CLHC1: variants seen among roughly 807,000 people sequenced by gnomAD.
CLHC1 encodes the protein clathrin heavy chain linker domain-containing protein 1.
A neutral mutation model predicts 69.5 loss-of-function variants in CLHC1; 72 were observed. That is an observed-to-expected ratio of 1.04 (90% CI 0.86 to 1.26). CLHC1 has a LOEUF of 1.26. CLHC1 is among the 50% of genes most tolerant of loss of function. CLHC1 has a pLI of 0.00. For missense variants in CLHC1, 790 were observed against 679.3 expected (o/e 1.16, Z -1.81); for synonymous variants, 223 against 224.3 (o/e 0.99, Z 0.05).
intron 1 of CLHC1, among the ~76,000 whole-genome samples, chr2:55,228,465 A>T (rs1674928670): frequency 6.6e-6 from 1 of 152,212 alleles, no homozygotes; most frequent in South Asian, 2.1e-4. Context: ...ACCAACCAAG[A>T]TTACCATTCA....
At chr2:55,176,124 T>TA (rs1669369238) in intron 12 of CLHC1, 138 bp from the exon 13 acceptor site, 1 of 705,004 alleles carries the variant, frequency 1.4e-6, no homozygotes, top group African/African-American at 1.8e-5. Context: ...AGATTAATGA[T>TA]ATAACATGCA....
intron 3 of CLHC1, among the ~76,000 whole-genome samples, chr2:55,221,886 A>C (rs1674158697): frequency 6.6e-6 from 1 of 152,210 alleles, no homozygotes; most frequent in Admixed American, 6.5e-5. Context: ...CTGAGGCAAG[A>C]GGATAACTTG....
rs149438011 is a variant in CLHC1 at position 55,221,341 on chromosome 2, A to C, written c.177+894T>G. 2.5e-3 allele frequency among the ~76,000 whole-genome samples: 383 copies of C among 152,336 alleles called. 2 individuals carry two copies. Among genetic ancestry groups the C allele is most frequent in the African/African-American group, 8.9e-3 (372 of 41,578 alleles). ...GCAAACTGCAATTGTTTAGAAGGAT[A>C]ATAGGTATTTCTAAAACCGTAAAAA... On this transcript the variant is annotated intron_variant, in intron 3 of 12. Transcript: ENST00000401408.
intron 11 of CLHC1, 62 bp downstream of exon 11, chr2:55,180,448 G>A (rs1573589074): frequency 1.7e-6 from 2 of 1,208,140 alleles, no homozygotes; most frequent in East Asian, 2.3e-5. Flanking sequence ...TGCTATTATG[G>A]GTAATCTTAC....
intron 8 of CLHC1, among the ~76,000 whole-genome samples, chr2:55,206,663 T>C (rs889740703): frequency 2.6e-5 from 4 of 152,074 alleles, no homozygotes; most frequent in African/African-American, 7.2e-5. Context: ...CAGCAAGCCA[T>C]AGAGGATGGA....
At chr2:55,227,580 A>C (rs1270827079) in intron 2 of CLHC1, among the ~76,000 whole-genome samples, 1 of 151,046 alleles carries the variant, frequency 6.6e-6, no homozygotes, top group African/African-American at 2.4e-5. Flanking sequence ...CAGGAGGCTG[A>C]GGCAGGAGAA....
At position 55,212,744 on chromosome 2, in the gene CLHC1, C is replaced by A; in HGVS notation, c.428G>T (p.Cys143Phe). The change falls in exon 5 of 13, where the codon TGT (cysteine) becomes TTT (phenylalanine). Residue 143 changes from cysteine to phenylalanine, a missense_variant. Physicochemically the swap from Cys to Phe is radical, Grantham distance 205. Coordinates refer to ENST00000401408, the MANE Select transcript of CLHC1 (RefSeq NM_152385.4). ...TTCTTTTGTGTCATACTCTGCCCTA[C>A]ACTGCTTGATGTGATCTATTTGAGA... ...IQSQIDHIKQCRAEYDTKEVK... is the reference protein window; with the variant it reads ...IQSQIDHIKQFRAEYDTKEVK... The A allele has an allele frequency of 6.3e-7, 1 of 1,597,062 alleles. No individual in the cohort carries two copies. Among genetic ancestry groups the A allele is most frequent in the Non-Finnish European group, 8.6e-7 (1 of 1,164,478 alleles).
At chr2:55,203,642 T>C (rs1672170412) in intron 9 of CLHC1, among the ~76,000 whole-genome samples, 1 of 152,112 alleles carries the variant, frequency 6.6e-6, no homozygotes, top group South Asian at 2.1e-4. Flanking sequence ...CTATCTCTTG[T>C]CATAGAAAAA....
chr2:55,188,845 T>G (rs1670661922), intron 9 of CLHC1, among the ~76,000 whole-genome samples: 1 of 152,202 alleles, frequency 6.6e-6, no homozygotes, highest in South Asian at 2.1e-4. Flanking sequence ...AGCAATAGTA[T>G]AATTCAGGAA....
chr2:55,183,774 G>A (rs1424865705), intron 9 of CLHC1, among the ~76,000 whole-genome samples: 1 of 151,996 alleles, frequency 6.6e-6, no homozygotes, highest in Non-Finnish European at 1.5e-5. Context: ...AACATTCCTA[G>A]TTTTCTTTTC....
chr2:55,224,610 C>A, intron 2 of CLHC1: 1 of 253,360 alleles, frequency 3.9e-6, no homozygotes, highest in Non-Finnish European at 8.1e-6. Context: ...TGGGCCAGGG[C>A]GGGAGGAACC....
chr2:55,181,542 A>G, intron 10 of CLHC1, 28 bp downstream of exon 10: 10 of 1,526,186 alleles, frequency 6.6e-6, no homozygotes, highest in Non-Finnish European at 8.9e-6. Context: ...AAATGTCAAA[A>G]TTAAGTTAAA....
chr2:55,194,036 T>A (rs536655148), intron 9 of CLHC1, among the ~76,000 whole-genome samples: 5 of 152,222 alleles, frequency 3.3e-5, no homozygotes, highest in African/African-American at 1.2e-4. Context: ...TAGTGTATGA[T>A]CCCATTCACA....
chr2:55,218,710 A>T (rs1487913442), intron 3 of CLHC1: 1 of 152,224 alleles, frequency 6.6e-6, no homozygotes, highest in African/African-American at 2.4e-5. Flanking sequence ...TTAATCTTAT[A>T]TATGCATTAC....
chr2:55,194,956 C>T (rs942574250), intron 9 of CLHC1, among the ~76,000 whole-genome samples: 2 of 151,296 alleles, frequency 1.3e-5, no homozygotes, highest in African/African-American at 2.4e-5. Context: ...ATCATTCTGT[C>T]GCCAGTCTGG....
chr2:55,224,720 C>T, intron 2 of CLHC1: 1 of 288,046 alleles, frequency 3.5e-6, no homozygotes, highest in South Asian at 4.1e-5. Context: ...GTTTATTCTA[C>T]TTCAAGAGAT....
chr2:55,220,743 T>C (rs1342250895), intron 3 of CLHC1, among the ~76,000 whole-genome samples: 1 of 152,248 alleles, frequency 6.6e-6, no homozygotes, highest in East Asian at 1.9e-4. Flanking sequence ...GTTACAGTTA[T>C]GACTTTCCTT....
chr2:55,230,222 G>A (rs1675150876), intron 1 of CLHC1, among the ~76,000 whole-genome samples: 1 of 152,246 alleles, frequency 6.6e-6, no homozygotes, highest in African/African-American at 2.4e-5. Flanking sequence ...TAACAATGGA[G>A]GTGGTAGGAA....
intron 9 of CLHC1, among the ~76,000 whole-genome samples, chr2:55,188,699 A>G (rs1009967860): frequency 1.3e-5 from 2 of 152,146 alleles, no homozygotes; most frequent in Non-Finnish European, 2.9e-5. Flanking sequence ...ATGTCAATCC[A>G]CCGCAGAACA....
Sources: allele counts gnomAD v4.1 joint callset (sites outside exome capture counted in the v4.1 genomes callset), GRCh38; gene constraint gnomAD v4.1.1; transcripts MANE v1.5; gene names NCBI Gene and HGNC (gene_info 2026-07-23, HGNC 2026-07-21).